SORCS3: variants seen among roughly 807,000 people sequenced by gnomAD.
SORCS3 encodes VPS10 domain-containing receptor SorCS3.
SORCS3 carries 57 observed loss-of-function variants against 146.3 expected under a neutral mutation model. The observed-to-expected ratio is 0.39, with a 90% CI of 0.31 to 0.49. SORCS3 has a LOEUF of 0.49. Ranked by LOEUF, SORCS3 falls within the 20% of genes least tolerant of loss-of-function variation. The pLI is 0.92. For missense variants in SORCS3, 1,341 were observed against 1,575.5 expected (o/e 0.85, Z 2.52); for synonymous variants, 653 against 618.5 (o/e 1.06, Z -0.83).
chr10:105,076,307 C>T (rs745812738), intron 5 of SORCS3, among the ~76,000 whole-genome samples: 12 of 152,146 alleles, frequency 7.9e-5, no homozygotes, highest in Non-Finnish European at 1.6e-4. Context: ...TAAAAATGCA[C>T]GTGAGTTAGA....
At chr10:105,199,333 T>C (rs528048993) in intron 14 of SORCS3, among the ~76,000 whole-genome samples, 44 of 152,170 alleles carry the variant, frequency 2.9e-4, no homozygotes, top group African/African-American at 8.7e-4. Flanking sequence ...AAGTCACAGA[T>C]GGTGTGCTTC....
intron 2 of SORCS3, among the ~76,000 whole-genome samples, chr10:104,849,364 T>C (rs1273610030): frequency 1.4e-5 from 2 of 140,900 alleles, no homozygotes; most frequent in Admixed American, 7.6e-5. Flanking sequence ...GTGAGCTGAG[T>C]TGATGCCACT....
At chr10:104,866,426 TA>T (rs1479928303) in intron 2 of SORCS3, among the ~76,000 whole-genome samples, 2 of 152,196 alleles carry the variant, frequency 1.3e-5, no homozygotes, top group African/African-American at 2.4e-5. Context: ...GGACCATCAG[TA>T]ACTATTATGT....
At chr10:104,692,564 TG>T (rs1254398517) in intron 1 of SORCS3, among the ~76,000 whole-genome samples, 1 of 152,224 alleles carries the variant, frequency 6.6e-6, no homozygotes, top group African/African-American at 2.4e-5. Flanking sequence ...ATTTGTTGAA[TG>T]AGTCATCATT....
intron 4 of SORCS3, among the ~76,000 whole-genome samples, chr10:104,997,186 G>C (rs1404989735): frequency 1.3e-5 from 2 of 152,140 alleles, no homozygotes; most frequent in African/African-American, 4.8e-5. Flanking sequence ...GCTAATCTGG[G>C]AAACTTATGC....
chr10:105,227,828 T>C (rs1589698223), intron 20 of SORCS3, among the ~76,000 whole-genome samples: 1 of 152,096 alleles, frequency 6.6e-6, no homozygotes, highest in East Asian at 1.9e-4. Flanking sequence ...TTTATTTTTT[T>C]TTACTTAAAG....
chr10:105,201,054 G>A, intron 15 of SORCS3, 66 bp from the exon 16 acceptor site: 3 of 1,567,918 alleles, frequency 1.9e-6, no homozygotes, highest in South Asian at 1.2e-5. Flanking sequence ...GCTTCTTGTT[G>A]ACAACTGGTT....
At chr10:105,126,617 G>A (rs1026966955) in intron 7 of SORCS3, among the ~76,000 whole-genome samples, 2 of 152,104 alleles carry the variant, frequency 1.3e-5, no homozygotes, top group Non-Finnish European at 2.9e-5. Flanking sequence ...CATTGTGGAG[G>A]GTGGTCTAAG....
rs114600139 is a variant in SORCS3 at position 104,869,336 on chromosome 10, C to A, written c.695+26477C>A. Among the ~76,000 whole-genome samples the A allele has an allele frequency of 3.9e-3, 599 of 152,266 alleles. 4 individuals carry two copies. Among genetic ancestry groups the A allele is most frequent in the African/African-American group, 0.014 (565 of 41,560 alleles). On this transcript the variant is annotated intron_variant, in intron 2 of 26. Coordinates refer to ENST00000369701, the MANE Select transcript of SORCS3 (RefSeq NM_014978.3). ...GTTCTAGTCCAAGGACAGGAGAAGA[C>A]TAATGTTGAAGATCAAACAGTCAGG...
rs570210926 is a variant in SORCS3 at position 104,969,347 on chromosome 10, G to A, written c.796-7988G>A. Among the ~76,000 whole-genome samples, 182 of 151,510 alleles carry A rather than the reference G, an allele frequency of 1.2e-3. 4 individuals carry two copies. The South Asian group carries it at 0.028, about 23-fold the overall frequency. On this transcript the variant is annotated intron_variant, in intron 3 of 26. Transcript: ENST00000369701. ...TGTGTGTGTGTGTGTGTGTGCGCGC[G>A]CGCGTACAGAGCATGGAAGGTGTGG...
chr10:105,262,298 A>T (rs752686278), intron 25 of SORCS3, 33 bp from the exon 26 acceptor site: 1 of 1,603,390 alleles, frequency 6.2e-7, no homozygotes, highest in Admixed American at 1.7e-5. Context: ...ACACCCTGTG[A>T]TCTTAACCTG....
At chr10:104,852,132 A>G (rs927477231) in intron 2 of SORCS3, among the ~76,000 whole-genome samples, 1 of 152,136 alleles carries the variant, frequency 6.6e-6, no homozygotes. Context: ...CTTGTATACT[A>G]TTTTTAGTCA....
At chr10:104,681,887 T>C (rs2015981525) in intron 1 of SORCS3, among the ~76,000 whole-genome samples, 1 of 152,258 alleles carries the variant, frequency 6.6e-6, no homozygotes, top group South Asian at 2.1e-4. Context: ...CCACCCAGTC[T>C]AATACTATGT....
At chr10:105,205,576 G>A (rs1420825887) in intron 16 of SORCS3, among the ~76,000 whole-genome samples, 3 of 152,118 alleles carry the variant, frequency 2.0e-5, no homozygotes, top group African/African-American at 7.2e-5. Context: ...GGTGCAAGAG[G>A]GGGCTCCTCT....
chr10:104,971,331 A>G (rs1589572299), intron 3 of SORCS3, among the ~76,000 whole-genome samples: 1 of 152,246 alleles, frequency 6.6e-6, no homozygotes, highest in Non-Finnish European at 1.5e-5. Context: ...GTTTTGGACT[A>G]AGACAATCGC....
At chr10:105,128,197 G>A (rs1254698248) in intron 7 of SORCS3, among the ~76,000 whole-genome samples, 4 of 152,184 alleles carry the variant, frequency 2.6e-5, no homozygotes, top group African/African-American at 9.6e-5. Context: ...TGTGCTGGCA[G>A]AGGACAGGAG....
At chr10:104,860,983 G>A (rs1246115987) in intron 2 of SORCS3, among the ~76,000 whole-genome samples, 2 of 152,160 alleles carry the variant, frequency 1.3e-5, no homozygotes, top group African/African-American at 4.8e-5. Flanking sequence ...CTTAAGTGAA[G>A]GATGAAGAGT....
At chr10:105,171,241 G>A (rs1272927948) in intron 13 of SORCS3, among the ~76,000 whole-genome samples, 2 of 152,158 alleles carry the variant, frequency 1.3e-5, no homozygotes, top group Non-Finnish European at 2.9e-5. Flanking sequence ...AGGCGTGAAC[G>A]CAAAACAGCA....
At chr10:105,256,755 C>T in intron 24 of SORCS3, 64 bp from the exon 25 acceptor site, 3 of 1,246,214 alleles carry the variant, frequency 2.4e-6, no homozygotes, top group Non-Finnish European at 3.5e-6. Context: ...ATGAATACTC[C>T]CTCCAGCTAA....
Sources: gnomAD v4.1 joint callset for allele counts (sites outside exome capture counted in the v4.1 genomes callset) on GRCh38, gnomAD v4.1.1 for gene constraint, MANE v1.5 for transcripts, NCBI Gene and HGNC (gene_info 2026-07-23, HGNC 2026-07-21) for gene names.